Variants in CYP46A1 observed in about 807,000 individuals in gnomAD.
CYP46A1 encodes the protein cytochrome P450 family 46 subfamily A member 1.
In CYP46A1, 20 loss-of-function variants were observed where a neutral mutation model predicts 63.3. The observed-to-expected ratio is 0.32, with a 90% CI of 0.22 to 0.46. The LOEUF is 0.46. Ranked by LOEUF, CYP46A1 falls within the 20% of genes least tolerant of loss-of-function variation. CYP46A1 has a pLI of 1.00. For synonymous variants in CYP46A1, 268 were observed against 273.6 expected (o/e 0.98, Z 0.20); for missense variants, 445 against 670.8 (o/e 0.66, Z 3.72).
At chr14:99,692,672 A>C (rs1165620262) in intron 3 of CYP46A1, among the ~76,000 whole-genome samples, 1 of 152,030 alleles carries the variant, frequency 6.6e-6, no homozygotes, top group Non-Finnish European at 1.5e-5. Flanking sequence ...TCTACTAAAA[A>C]TACAAAAATT....
At chr14:99,697,438 G>A (rs2056596194) in intron 3 of CYP46A1, among the ~76,000 whole-genome samples, 1 of 152,016 alleles carries the variant, frequency 6.6e-6, no homozygotes, top group African/African-American at 2.4e-5. Context: ...TATTCAACTT[G>A]GCACGTCTGC....
In CYP46A1 at chr14:99,727,110, C is replaced by A; in HGVS notation, c.*383C>A. 4.6e-6 allele frequency: 1 copy of A among 217,890 alleles called. No homozygotes were observed. The highest frequency in any genetic ancestry group is 9.1e-6 in the Non-Finnish European group (1 of 110,066). 13.5% of individuals were successfully genotyped at this position (217,890 alleles called of 1,614,324 possible). ...GGCAGGGGCCCCTCCTCTGTGCTCC[C>A]TCGGTCACCTGTGCTACCTCTAACA... On this transcript the variant is annotated 3_prime_UTR_variant, in exon 15 of 15. Coordinates refer to ENST00000261835, the MANE Select transcript of CYP46A1 (RefSeq NM_006668.2).
intron 7 of CYP46A1, chr14:99,709,548 A>C (rs2056710798): frequency 6.6e-6 from 1 of 152,256 alleles, no homozygotes; most frequent in Admixed American, 6.5e-5. Flanking sequence ...ATGAGACAGC[A>C]GTAAGTGACC....
intron 1 of CYP46A1, 127 bp from the exon 2 acceptor site, chr14:99,690,954 G>T: frequency 1.2e-6 from 1 of 835,268 alleles, no homozygotes; most frequent in South Asian, 1.6e-5. Context: ...CCCTGAGCCA[G>T]TGCTGTAACC....
chr14:99,694,247 A>T (rs1338162538), intron 3 of CYP46A1, among the ~76,000 whole-genome samples: 1 of 149,586 alleles, frequency 6.7e-6, no homozygotes, highest in African/African-American at 2.5e-5. Flanking sequence ...TTCACTTCAC[A>T]TAATTTGCTT....
chr14:99,686,822 C>A (rs920125389), intron 1 of CYP46A1, among the ~76,000 whole-genome samples: 1 of 152,090 alleles, frequency 6.6e-6, no homozygotes, highest in Non-Finnish European at 1.5e-5. Flanking sequence ...AGGAGGTGAA[C>A]TGAACAATGC....
chr14:99,684,361 T>A lies in CYP46A1; in HGVS notation c.-57T>A. 1 of 1,130,506 alleles carries A rather than the reference T, an allele frequency of 8.8e-7. No individual in the cohort carries two copies. Among genetic ancestry groups the A allele is most frequent in the South Asian group, 3.1e-5 (1 of 32,604 alleles). The allele number at this position is 1,130,506 out of a possible 1,614,324, so 70.0% of individuals were successfully genotyped here. A position where few individuals can be genotyped will look rare whatever the true frequency, so the allele number is the denominator to read the frequency against. Reference sequence around the variant, plus strand: ...CTGACAGCTGAGTCGGCTCGCGGCCTCCCGGCCCCCTCGGCGCCCGGCCCG... The same window carrying A: ...CTGACAGCTGAGTCGGCTCGCGGCCACCCGGCCCCCTCGGCGCCCGGCCCG... On this transcript the variant is annotated 5_prime_UTR_variant, in exon 1 of 15. Transcript: ENST00000261835.
chr14:99,714,584 C>A (rs2056769997), intron 7 of CYP46A1, among the ~76,000 whole-genome samples: 1 of 152,018 alleles, frequency 6.6e-6, no homozygotes, highest in Admixed American at 6.6e-5. Flanking sequence ...CATGGTGAAA[C>A]CCCATCTCTA....
intron 3 of CYP46A1, 111 bp downstream of exon 3, chr14:99,691,972 C>A: frequency 9.0e-7 from 1 of 1,112,640 alleles, no homozygotes; most frequent in Non-Finnish European, 1.3e-6. Context: ...AGGCGCATTT[C>A]GGCTGGTTTC....
intron 5 of CYP46A1, among the ~76,000 whole-genome samples, chr14:99,704,942 G>A (rs1011241136): frequency 1.4e-4 from 21 of 152,192 alleles, no homozygotes; most frequent in Non-Finnish European, 1.5e-5. Context: ...ATGGTGGGCA[G>A]GAGCATTGTA....
chr14:99,721,211 A>G, intron 10 of CYP46A1, 28 bp from the exon 11 acceptor site: 1 of 1,581,890 alleles, frequency 6.3e-7, no homozygotes, highest in South Asian at 1.1e-5. Flanking sequence ...CCCTTTGGAG[A>G]CGAACTTGTC....
At chr14:99,684,741 G>T (rs2056475700) in intron 1 of CYP46A1, 3 of 646,560 alleles carry the variant, frequency 4.6e-6, no homozygotes, top group Non-Finnish European at 8.6e-6. Flanking sequence ...ACCGCGCACA[G>T]CTGGGCCCCA....
Position 99,722,733 on chromosome 14 carries a change from T to C in CYP46A1, c.1176+667T>C, listed in dbSNP as rs2056860208. Among the ~76,000 whole-genome samples, 1 of 151,950 alleles carries C rather than the reference T, an allele frequency of 6.6e-6. No homozygotes were observed. The highest frequency in any genetic ancestry group is 1.5e-5 in the Non-Finnish European group (1 of 68,018). ...GTAGGACTTGTTTTTTGACTCAGTA[T>C]AAAGTTGGTAAGATTTGTGTAGGTT... On this transcript the variant is annotated intron_variant, in intron 12 of 14. Transcript: ENST00000261835. This position sits in a 1 kb window ranked among gnomAD's most constrained non-coding sequence, Gnocchi z 4.6.
At chr14:99,704,380 C>A (rs986558871) in intron 5 of CYP46A1, among the ~76,000 whole-genome samples, 1 of 152,168 alleles carries the variant, frequency 6.6e-6, no homozygotes, top group South Asian at 2.1e-4. Context: ...TATTATTGAG[C>A]CTTGGTGAAT....
Position 99,725,472 on chromosome 14 carries a change from G to T in CYP46A1, c.1258G>T (p.Ala420Ser), listed in dbSNP as rs772079641. Residue 420 changes from alanine to serine, a missense_variant, in exon 13 of 15, where the codon GCA (alanine) becomes TCA (serine). This residue lies in a region of CYP46A1 where 95 missense variants were observed against 156.9 expected (regional missense o/e 0.61). Coordinates refer to ENST00000261835, the MANE Select transcript of CYP46A1 (RefSeq NM_006668.2). This position sits in a 1 kb window ranked among gnomAD's most constrained non-coding sequence, Gnocchi z 4.2. ...CAACCCCGATCGCTTCGGCCCTGGA[G>T]CACCCAAGTAAGTCCCTCCTGGAGC... The part of the protein sequence containing the change: ...TFNPDRFGPG[A>S]PKPRFTYFPF... 6.2e-7 allele frequency: 1 copy of T among 1,613,466 alleles called. No individual in the cohort carries two copies. Among genetic ancestry groups the T allele is most frequent in the Non-Finnish European group, 8.5e-7 (1 of 1,179,484 alleles).
At chr14:99,693,958 G>A (rs148823898) in intron 3 of CYP46A1, among the ~76,000 whole-genome samples, 313 of 152,196 alleles carry the variant, frequency 2.1e-3, no homozygotes, top group Non-Finnish European at 3.5e-3. Context: ...AACTGAAACT[G>A]TGTATCAGTT....
chr14:99,714,886 T>A (rs962437153), intron 7 of CYP46A1, among the ~76,000 whole-genome samples: 1 of 152,126 alleles, frequency 6.6e-6, no homozygotes, highest in African/African-American at 2.4e-5. Context: ...TTATGTTAAG[T>A]GAAACAAGGC....
At chr14:99,686,120 ACT>A (rs2056491604) in intron 1 of CYP46A1, among the ~76,000 whole-genome samples, 1 of 152,020 alleles carries the variant, frequency 6.6e-6, no homozygotes, top group Non-Finnish European at 1.5e-5. Context: ...CATAGTAGAC[ACT>A]CTATGAATAG....
chr14:99,691,178 C>T lies in CYP46A1; in HGVS notation c.200+17C>T. 2 of 1,613,684 alleles carry T rather than the reference C, an allele frequency of 1.2e-6. No individual in the cohort carries two copies. The highest frequency in any genetic ancestry group is 1.7e-6 in the Non-Finnish European group (2 of 1,179,724). ...TTTGGATTGGTGGGTTCTCATTTGT[C>T]ACTTGTTGCCCTTACTCCAGGTTCC... On this transcript the variant is annotated intron_variant, in intron 2 of 14. Coordinates refer to ENST00000261835, the MANE Select transcript of CYP46A1 (RefSeq NM_006668.2).
Sources: allele counts gnomAD v4.1 joint callset (sites outside exome capture counted in the v4.1 genomes callset), GRCh38; gene constraint gnomAD v4.1.1; regional missense constraint gnomAD v4.1.1; non-coding constraint Gnocchi (gnomAD v3.1); transcripts MANE v1.5; gene names NCBI Gene and HGNC (gene_info 2026-07-23, HGNC 2026-07-21).